Variants in ACCSL observed in about 807,000 individuals in gnomAD.
The protein encoded by ACCSL is probable inactive 1-aminocyclopropane-1-carboxylate synthase-like protein 2.
In ACCSL, 55 loss-of-function variants were observed where a neutral mutation model predicts 61.7. The observed-to-expected ratio is 0.89, with a 90% CI of 0.72 to 1.12. The LOEUF is 1.12. ACCSL is among the 50% of genes most tolerant of loss of function. The pLI is 0.00. For missense variants in ACCSL, 632 were observed against 698.0 expected, an observed-to-expected ratio of 0.91 and a Z score of 1.07; for synonymous variants, 258 against 264.3, an observed-to-expected ratio of 0.98 and a Z score of 0.23.
the ACCSL span, among the ~76,000 whole-genome samples, chr11:43,951,669 G>A: frequency 6.6e-6 from 1 of 152,200 alleles, no homozygotes; most frequent in Non-Finnish European, 1.5e-5. Flanking sequence ...TGCGTAATAT[G>A]TAGTATGTAA....
At chr11:44,057,129 G>A (rs1952676363) in intron 11 of ACCSL, among the ~76,000 whole-genome samples, 1 of 152,162 alleles carries the variant, frequency 6.6e-6, no homozygotes, top group Admixed American at 6.5e-5. Flanking sequence ...CTAGGCCTGT[G>A]GTACCTAGAT....
chr11:44,011,712 A>T, the ACCSL span, among the ~76,000 whole-genome samples: 9 of 152,222 alleles, frequency 5.9e-5, no homozygotes, highest in African/African-American at 2.2e-4. Context: ...CATCTGAAAG[A>T]ACATACTGGT....
rs116610732 is a variant in ACCSL, at chr11:44,052,919, C to T, written c.871-72C>T. The T allele has an allele frequency of 2.5e-3, 3,794 of 1,518,208 alleles. 50 individuals carry two copies. In the African/African-American group the frequency reaches 0.029, roughly 12 times the overall value. The allele number at this position is 1,518,208 out of a possible 1,614,324, so 94.0% of individuals were successfully genotyped here. On this transcript the variant is annotated intron_variant, in intron 6 of 13. Coordinates refer to ENST00000378832, the MANE Select transcript of ACCSL (RefSeq NM_001031854.2). ...ACTCTGGTATGAAGGCAAAGGATTGCGGGGCTTATGGGAATGAGGAATCAA... is the reference window on the plus strand; with the variant it reads ...ACTCTGGTATGAAGGCAAAGGATTGTGGGGCTTATGGGAATGAGGAATCAA...
chr11:44,058,552 G>A lies in ACCSL; in HGVS notation c.1477G>A (p.Asp493Asn). The A allele has an allele frequency of 1.2e-6, 2 of 1,614,012 alleles. No homozygotes were observed. The highest frequency in any genetic ancestry group is 8.5e-7 in the Non-Finnish European group (1 of 1,179,942). ...YVWINLKKYL[D>N]PCTFEEERLL... ...GTTCCTCTGCCCTCCCTAGTACCTGGATCCCTGTACATTTGAAGAAGAACG... is the reference window on the plus strand; with the variant it reads ...GTTCCTCTGCCCTCCCTAGTACCTGAATCCCTGTACATTTGAAGAAGAACG... Residue 493 changes from aspartate to asparagine, a missense_variant, in exon 13 of 14, where the codon GAT becomes AAT. Coordinates refer to ENST00000378832, the MANE Select transcript of ACCSL (RefSeq NM_001031854.2).
At chr11:43,967,289 T>C in the ACCSL span, among the ~76,000 whole-genome samples, 1 of 148,654 alleles carries the variant, frequency 6.7e-6, no homozygotes, top group Non-Finnish European at 1.5e-5. Context: ...GTGATTCTCC[T>C]GCCTCAGCCT....
chr11:43,933,705 G>A, the ACCSL span, among the ~76,000 whole-genome samples: 1 of 152,184 alleles, frequency 6.6e-6, no homozygotes, highest in Non-Finnish European at 1.5e-5. Flanking sequence ...AGGGAAATGA[G>A]CTCTCGTTAC....
chr11:44,055,098 A>G, intron 8 of ACCSL, 104 bp from the exon 9 acceptor site: 1 of 814,236 alleles, frequency 1.2e-6, no homozygotes, highest in South Asian at 1.8e-5. Context: ...AGAACACCAT[A>G]AAAGACATGA....
chr11:44,018,484 C>T, the ACCSL span, among the ~76,000 whole-genome samples: 1 of 152,218 alleles, frequency 6.6e-6, no homozygotes, highest in Non-Finnish European at 1.5e-5. Context: ...GACTTGGACA[C>T]AGCCCAGGCT....
chr11:43,935,421 C>T, the ACCSL span, among the ~76,000 whole-genome samples: 1 of 152,190 alleles, frequency 6.6e-6, no homozygotes, highest in Non-Finnish European at 1.5e-5. Context: ...GCACCAATTT[C>T]AGAGGCAGGC....
chr11:44,045,166 G>A (rs1021938316), upstream of ACCSL, among the ~76,000 whole-genome samples: 4 of 152,128 alleles, frequency 2.6e-5, no homozygotes, highest in African/African-American at 9.7e-5. Context: ...GACCATGCAT[G>A]GTGGCTCCTG....
the ACCSL span, among the ~76,000 whole-genome samples, chr11:43,940,964 T>C: frequency 6.6e-6 from 1 of 152,180 alleles, no homozygotes; most frequent in African/African-American, 2.4e-5. Context: ...TGTGGGACCT[T>C]GGGGCAAGTT....
the ACCSL span, among the ~76,000 whole-genome samples, chr11:43,967,484 T>A: frequency 6.6e-6 from 1 of 152,202 alleles, no homozygotes; most frequent in Non-Finnish European, 1.5e-5. Flanking sequence ...CGGCCTCAGT[T>A]CTTCCAGTTC....
chr11:43,985,972 A>G, the ACCSL span, among the ~76,000 whole-genome samples: 1 of 141,638 alleles, frequency 7.1e-6, no homozygotes, highest in African/African-American at 2.6e-5. Context: ...CAAAAAATAT[A>G]TATAATAAAC....
the ACCSL span, chr11:43,971,456 G>A: frequency 0.21 from 31,863 of 152,084 alleles, 3,616 homozygotes; most frequent in East Asian, 0.43. Context: ...AGGAAACTGA[G>A]GCTGAGAGGG....
the ACCSL span, among the ~76,000 whole-genome samples, chr11:43,940,141 GTTA>G: frequency 0.01 from 1,536 of 151,874 alleles, 31 homozygotes; most frequent in African/African-American, 0.035. Flanking sequence ...TATTATTATT[GTTA>G]TTATTATTAT....
At chr11:44,038,951 C>T in the ACCSL span, among the ~76,000 whole-genome samples, 3 of 152,266 alleles carry the variant, frequency 2.0e-5, no homozygotes, top group East Asian at 1.9e-4. Flanking sequence ...GGATCTTGAG[C>T]ACAGGAAATA....
chr11:43,921,289 G>T, the ACCSL span: 1 of 152,170 alleles, frequency 6.6e-6, no homozygotes, highest in Non-Finnish European at 1.5e-5. Flanking sequence ...CTCAGATGGA[G>T]CACCATGCCT....
the ACCSL span, among the ~76,000 whole-genome samples, chr11:44,005,795 G>GATGGC: frequency 6.3e-4 from 96 of 152,284 alleles, 1 homozygote; most frequent in Admixed American, 1.2e-3. Context: ...AACTAGAGGA[G>GATGGC]ATGGCGGACC....
intron 9 of ACCSL, among the ~76,000 whole-genome samples, 188 bp downstream of exon 9, chr11:44,055,479 T>C (rs1021302880): frequency 3.3e-5 from 5 of 152,226 alleles, no homozygotes; most frequent in African/African-American, 1.2e-4. Flanking sequence ...CCATTTTGTG[T>C]AGAAGATAAT....
Sources: allele counts gnomAD v4.1 joint callset (sites outside exome capture counted in the v4.1 genomes callset), GRCh38; gene constraint gnomAD v4.1.1; transcripts MANE v1.5; gene names NCBI Gene and HGNC (gene_info 2026-07-23, HGNC 2026-07-21).